The following ELMO1 variants were observed in gnomAD, a reference collection of about 807,000 sequenced individuals.
ELMO1 encodes the protein engulfment and cell motility protein 1.
ELMO1 carries 26 observed loss-of-function variants against 98.9 expected under a neutral mutation model. That is an observed-to-expected ratio of 0.26 (90% CI 0.19 to 0.36). The LOEUF (loss-of-function observed/expected upper bound fraction) is 0.36. Among genes scored for constraint, ELMO1 ranks in the 10% least tolerant of loss-of-function variants. The pLI is 1.00. For synonymous variants in ELMO1, 346 were observed against 346.0 expected (o/e 1.00, Z 0.00); for missense variants, 627 against 935.2 (o/e 0.67, Z 4.30).
At chr7:37,331,841 C>T (rs1210565695) in intron 2 of ELMO1, among the ~76,000 whole-genome samples, 4 of 152,156 alleles carry the variant, frequency 2.6e-5, no homozygotes, top group Admixed American at 2.6e-4. Context: ...GTGTAGTTCA[C>T]ATCTGTCACC....
intron 13 of ELMO1, among the ~76,000 whole-genome samples, chr7:37,154,738 T>G (rs1788614373): frequency 6.6e-6 from 1 of 152,202 alleles, no homozygotes; most frequent in South Asian, 2.1e-4. Context: ...GAAAACACTC[T>G]GCAGGATATT....
chr7:36,938,360 T>C (rs1786729475), intron 16 of ELMO1, among the ~76,000 whole-genome samples: 1 of 152,190 alleles, frequency 6.6e-6, no homozygotes, highest in South Asian at 2.1e-4. Flanking sequence ...CACATGTGGG[T>C]GGGTCAACCA....
At chr7:37,390,285 G>A (rs995236296) in intron 1 of ELMO1, among the ~76,000 whole-genome samples, 1 of 152,208 alleles carries the variant, frequency 6.6e-6, no homozygotes, top group Non-Finnish European at 1.5e-5. Context: ...TCAGGCTTGC[G>A]CCACTTGCAT....
intron 16 of ELMO1, among the ~76,000 whole-genome samples, chr7:36,942,118 T>A (rs533200060): frequency 8.5e-5 from 13 of 152,344 alleles, no homozygotes; most frequent in African/African-American, 2.9e-4. Flanking sequence ...ATTTCACCAA[T>A]GGCTATACAC....
intron 1 of ELMO1, among the ~76,000 whole-genome samples, chr7:37,382,541 T>C (rs560836230): frequency 1.5e-4 from 23 of 152,256 alleles, no homozygotes; most frequent in South Asian, 8.3e-4. Context: ...TAAATTCTTG[T>C]AAAGGTGTCC....
intron 16 of ELMO1, chr7:36,919,248 A>G (rs188316186): frequency 5.2e-6 from 2 of 387,310 alleles, no homozygotes; most frequent in African/African-American, 4.1e-5. Flanking sequence ...GTTAATAGTG[A>G]CTAGGATAAT....
chr7:37,146,391 G>C (rs933001342), intron 13 of ELMO1, among the ~76,000 whole-genome samples: 1 of 152,142 alleles, frequency 6.6e-6, no homozygotes, highest in South Asian at 2.1e-4. Context: ...AAATGCAAGC[G>C]CATGTTAGGG....
intron 11 of ELMO1, among the ~76,000 whole-genome samples, chr7:37,214,594 G>T (rs67817838): frequency 6.6e-6 from 1 of 152,064 alleles, no homozygotes; most frequent in African/African-American, 2.4e-5. Flanking sequence ...GAAGATTGAG[G>T]AATAGAAGAA....
chr7:37,081,727 CCT>C (rs1473867775), intron 15 of ELMO1, among the ~76,000 whole-genome samples: 1 of 152,186 alleles, frequency 6.6e-6, no homozygotes, highest in Admixed American at 6.5e-5. Context: ...GTCCATTAAA[CCT>C]CTTTTTCTTT....
intron 2 of ELMO1, among the ~76,000 whole-genome samples, chr7:37,327,092 T>C (rs1318253923): frequency 6.6e-6 from 1 of 152,238 alleles, no homozygotes; most frequent in Non-Finnish European, 1.5e-5. Flanking sequence ...AATTCCCATA[T>C]TGTCTTCAAA....
rs201092994 is a variant in ELMO1, at chr7:37,342,604, G to T, written c.78+9C>A. 1 of 1,613,812 alleles carries T rather than the reference G, an allele frequency of 6.2e-7. No homozygotes were observed. The highest frequency in any genetic ancestry group is 8.5e-7 in the Non-Finnish European group (1 of 1,179,760). On this transcript the variant is annotated intron_variant, in intron 2 of 21. Coordinates refer to ENST00000310758, the MANE Select transcript of ELMO1 (RefSeq NM_014800.11). This position sits in a 1 kb window ranked among gnomAD's most constrained non-coding sequence, Gnocchi z 4.3. ...GAAAATAGACACCCAATGCTGTCAC[G>T]TTACTAACCTGATCAATTTCCATGA...
intron 16 of ELMO1, among the ~76,000 whole-genome samples, chr7:36,949,893 T>A (rs1001975465): frequency 3.9e-5 from 6 of 152,204 alleles, no homozygotes; most frequent in Non-Finnish European, 5.9e-5. Flanking sequence ...CTCATGCCAA[T>A]GACACAGACA....
chr7:37,125,635 AG>A (rs1419392355), intron 14 of ELMO1, among the ~76,000 whole-genome samples: 4 of 152,244 alleles, frequency 2.6e-5, no homozygotes, highest in Non-Finnish European at 5.9e-5. Context: ...ATCATTAAAA[AG>A]TCAGGAAACA....
At chr7:37,433,244 T>C (rs1041135844) in intron 1 of ELMO1, among the ~76,000 whole-genome samples, 3 of 152,158 alleles carry the variant, frequency 2.0e-5, no homozygotes, top group Admixed American at 6.5e-5. Context: ...ACATGGAAAA[T>C]AGTGCTTCTG....
chr7:37,302,629 T>C (rs1181064118), intron 4 of ELMO1, among the ~76,000 whole-genome samples: 1 of 152,112 alleles, frequency 6.6e-6, no homozygotes, highest in Admixed American at 6.5e-5. Context: ...AGCCCCCAGC[T>C]ATTCATGTCT....
intron 16 of ELMO1, among the ~76,000 whole-genome samples, chr7:36,977,146 T>G (rs1790624458): frequency 6.6e-6 from 1 of 152,246 alleles, no homozygotes; most frequent in Non-Finnish European, 1.5e-5. Flanking sequence ...AATTGGAGTC[T>G]CCCTGAGTCT....
chr7:37,263,155 A>T (rs1349472619), intron 5 of ELMO1, among the ~76,000 whole-genome samples: 2 of 152,168 alleles, frequency 1.3e-5, no homozygotes, highest in African/African-American at 2.4e-5. Flanking sequence ...TTTATTATAT[A>T]AAAAAAGTGG....
chr7:37,177,789 C>T (rs561232976), intron 13 of ELMO1, among the ~76,000 whole-genome samples: 2 of 152,262 alleles, frequency 1.3e-5, no homozygotes, highest in African/African-American at 2.4e-5. Context: ...ATACTGGGAC[C>T]TAGAGAGGTC....
intron 1 of ELMO1, among the ~76,000 whole-genome samples, chr7:37,393,332 A>G (rs541144660): frequency 6.6e-6 from 1 of 152,330 alleles, no homozygotes; most frequent in East Asian, 1.9e-4. Flanking sequence ...AAGCATTCAA[A>G]TCAGAAAATT....
Sources: allele counts gnomAD v4.1 joint callset (sites outside exome capture counted in the v4.1 genomes callset), GRCh38; gene constraint gnomAD v4.1.1; non-coding constraint Gnocchi (gnomAD v3.1); transcripts MANE v1.5; gene names NCBI Gene and HGNC (gene_info 2026-07-23, HGNC 2026-07-21).